Variants in KCNJ5 observed in about 807,000 individuals in gnomAD.
The protein encoded by KCNJ5 is potassium inwardly rectifying channel subfamily J member 5.
Under a neutral mutation model 20.2 loss-of-function variants are expected in KCNJ5, and 12 were observed. The observed-to-expected ratio is 0.59, with a 90% CI of 0.38 to 0.96. KCNJ5 has a LOEUF of 0.96. Ranked by LOEUF, KCNJ5 falls within the 40% of genes least tolerant of loss-of-function variation. The pLI, the probability that KCNJ5 is intolerant of heterozygous loss-of-function variation, is 0.00. For missense variants in KCNJ5, 449 were observed against 557.6 expected (o/e 0.81, Z 1.96); for synonymous variants, 210 against 213.9 (o/e 0.98, Z 0.16).
intron 1 of KCNJ5, among the ~76,000 whole-genome samples, chr11:128,906,874 G>A (rs1267430033): frequency 1.3e-5 from 2 of 152,152 alleles, no homozygotes; most frequent in African/African-American, 2.4e-5. Flanking sequence ...CTCAGGGGGT[G>A]TATACCAGGG....
chr11:128,894,115 G>T (rs554610752), intron 1 of KCNJ5, among the ~76,000 whole-genome samples: 2 of 151,974 alleles, frequency 1.3e-5, no homozygotes, highest in Middle Eastern at 6.9e-3. Flanking sequence ...TCCTGCCTGC[G>T]GTGGGCGAAG....
chr11:128,892,455 G>A (rs553000300), intron 1 of KCNJ5, among the ~76,000 whole-genome samples: 18 of 152,238 alleles, frequency 1.2e-4, no homozygotes, highest in East Asian at 9.7e-4. Context: ...CCTCAGGTCC[G>A]GCCCCCAAAG....
intron 1 of KCNJ5, chr11:128,902,754 G>A (rs757073366): frequency 3.2e-6 from 5 of 1,562,998 alleles, no homozygotes; most frequent in Non-Finnish European, 4.3e-6. Context: ...GAATTCAGTG[G>A]CACTACCACA....
Position 128,911,846 on chromosome 11 carries a change from C to T in KCNJ5, c.573C>T (p.Ser191=). 6.2e-7 allele frequency: 1 copy of T among 1,614,088 alleles called. No homozygotes were observed. Residue 191 remains serine, a synonymous_variant, in exon 2 of 3, where the codon AGC becomes AGT. Transcript: ENST00000529694. The surrounding 1 kb of genome is among the most constrained non-coding windows in gnomAD (Gnocchi z 6.3). ...FMVGCMFVKI[S]QPKKRAETLM... is the part of the protein sequence containing the mutation. ...TGGGGTGCATGTTTGTCAAGATCAG[C>T]CAGCCCAAGAAGAGAGCGGAGACCC...
intron 1 of KCNJ5, among the ~76,000 whole-genome samples, chr11:128,908,612 G>A (rs901006486): frequency 8.5e-5 from 13 of 152,168 alleles, no homozygotes; most frequent in African/African-American, 2.2e-4. Flanking sequence ...CAAAGCCTTC[G>A]CCTACAAGAA....
intron 1 of KCNJ5, among the ~76,000 whole-genome samples, chr11:128,893,595 A>G (rs1444339214): frequency 6.6e-6 from 1 of 152,156 alleles, no homozygotes; most frequent in African/African-American, 2.4e-5. Flanking sequence ...GGCCTCTCCA[A>G]AAGCTGCTAT....
chr11:128,896,402 T>C (rs902028321), intron 1 of KCNJ5, among the ~76,000 whole-genome samples: 1 of 152,146 alleles, frequency 6.6e-6, no homozygotes, highest in Admixed American at 6.6e-5. Context: ...CAGGAGGACC[T>C]CTTATGTGGC....
chr11:128,911,341 A>G lies in KCNJ5; in HGVS notation c.68A>G (p.Lys23Arg), dbSNP rs1944494211. ...ATTGGAGTCACTCCCTGGGACCCCA[A>G]GAAGATTCCAAAACAGGCCCGCGAT... ...MEIGVTPWDP[K>R]KIPKQARDYV... The change falls in exon 2 of 3, where the codon AAG becomes AGG. Residue 23 changes from lysine to arginine, a missense_variant. By Grantham distance (26) the Lys-to-Arg change is conservative. Around this residue, in one of 5 missense-constraint regions of KCNJ5, gnomAD observed 203 missense variants for 258.0 expected, o/e 0.79. Transcript: ENST00000529694. The surrounding 1 kb of genome is among the most constrained non-coding windows in gnomAD (Gnocchi z 6.3). The G allele has an allele frequency of 6.2e-7, 1 of 1,614,212 alleles. No homozygotes were observed. Among genetic ancestry groups the G allele is most frequent in the Non-Finnish European group, 8.5e-7 (1 of 1,180,042 alleles).
At chr11:128,897,074 T>A (rs1395277505) in intron 1 of KCNJ5, among the ~76,000 whole-genome samples, 1 of 151,376 alleles carries the variant, frequency 6.6e-6, no homozygotes, top group Non-Finnish European at 1.5e-5. Context: ...ATTTCCCTGA[T>A]TACTAATACC....
chr11:128,893,925 T>G (rs1004227935), intron 1 of KCNJ5, among the ~76,000 whole-genome samples: 1 of 152,248 alleles, frequency 6.6e-6, no homozygotes, highest in African/African-American at 2.4e-5. Context: ...CTGTCCCTGG[T>G]GCCAAGCAAA....
chr11:128,893,584 T>TG (rs768505718), intron 1 of KCNJ5, among the ~76,000 whole-genome samples: 1 of 152,222 alleles, frequency 6.6e-6, no homozygotes, highest in Non-Finnish European at 1.5e-5. Context: ...GGCTGTTTTC[T>TG]GGCCTCTCCA....
chr11:128,898,585 C>A (rs975747926), intron 1 of KCNJ5, among the ~76,000 whole-genome samples: 3 of 152,250 alleles, frequency 2.0e-5, no homozygotes, highest in African/African-American at 7.2e-5. Context: ...GTTCTAATGC[C>A]CACATCCACT....
At chr11:128,913,176 G>A (rs1429169937) in intron 2 of KCNJ5, among the ~76,000 whole-genome samples, 1 of 152,214 alleles carries the variant, frequency 6.6e-6, no homozygotes, top group African/African-American at 2.4e-5. Context: ...TTTGCTGCAG[G>A]GGAAGGGCTT....
chr11:128,903,182 A>G (rs1008042982), intron 1 of KCNJ5, among the ~76,000 whole-genome samples: 3 of 152,194 alleles, frequency 2.0e-5, no homozygotes, highest in African/African-American at 7.2e-5. Flanking sequence ...GGGTTTGTAT[A>G]TGTGCTTTTC....
chr11:128,910,551 G>A (rs1591449409), intron 1 of KCNJ5, among the ~76,000 whole-genome samples: 1 of 152,246 alleles, frequency 6.6e-6, no homozygotes, highest in East Asian at 1.9e-4. Flanking sequence ...GAAAGAAACA[G>A]CACAGGCTTG....
chr11:128,903,716 G>A (rs1944335790), intron 1 of KCNJ5, among the ~76,000 whole-genome samples: 1 of 152,172 alleles, frequency 6.6e-6, no homozygotes, highest in African/African-American at 2.4e-5. Flanking sequence ...GGACCTCTGG[G>A]GGCAAGTATT....
intron 1 of KCNJ5, among the ~76,000 whole-genome samples, chr11:128,897,472 C>T (rs1046473438): frequency 1.2e-4 from 18 of 152,008 alleles, no homozygotes; most frequent in Admixed American, 3.3e-4. Flanking sequence ...ATGTCTTTTG[C>T]CCATTTTCTA....
chr11:128,908,896 T>C (rs564374447), intron 1 of KCNJ5, among the ~76,000 whole-genome samples: 157 of 152,300 alleles, frequency 1.0e-3, no homozygotes, highest in African/African-American at 3.4e-3. Context: ...TCTCTGAGCA[T>C]CTGTGATTGA....
intron 1 of KCNJ5, among the ~76,000 whole-genome samples, chr11:128,903,964 C>A (rs760301086): frequency 6.6e-6 from 1 of 152,168 alleles, no homozygotes; most frequent in East Asian, 1.9e-4. Context: ...TCCCAGGCAG[C>A]GGTGGCTGCA....
Sources: allele counts gnomAD v4.1 joint callset (sites outside exome capture counted in the v4.1 genomes callset), GRCh38; gene constraint gnomAD v4.1.1; regional missense constraint gnomAD v4.1.1; non-coding constraint Gnocchi (gnomAD v3.1); transcripts MANE v1.5; gene names NCBI Gene and HGNC (gene_info 2026-07-23, HGNC 2026-07-21).